The following B4GALNT2 variants were observed in gnomAD, a reference collection of about 807,000 sequenced individuals.
B4GALNT2 encodes beta-1,4-N-acetyl-galactosaminyltransferase 2 (SID blood group), also known as N-acetylneuraminylgalactosylglucosyl-glucoside beta-1,4-N- acetylgalactosaminyltransferase 2.
Under a neutral mutation model 51.1 loss-of-function variants are expected in B4GALNT2, and 42 were observed. That is an observed-to-expected ratio of 0.82 (90% CI 0.64 to 1.06). The LOEUF (loss-of-function observed/expected upper bound fraction) is 1.06, where lower values mean the gene tolerates loss of function less well. Among genes scored for constraint, B4GALNT2 ranks in the 50% least tolerant of loss-of-function variants. The pLI, the probability that B4GALNT2 is intolerant of heterozygous loss-of-function variation, is 0.00. For synonymous variants in B4GALNT2, 253 were observed against 251.7 expected, an observed-to-expected ratio of 1.01 and a Z score of -0.05; for missense variants, 602 against 633.6, an observed-to-expected ratio of 0.95 and a Z score of 0.54.
chr17:49,133,114 G>A, intron 1 of B4GALNT2: 1 of 1,525,394 alleles, frequency 6.6e-7, no homozygotes, highest in South Asian at 1.3e-5. Flanking sequence ...CCCGAGTGTG[G>A]GAATCGGCTC....
upstream of B4GALNT2, among the ~76,000 whole-genome samples, chr17:49,128,159 TAGAA>T (rs1415137697): frequency 5.3e-5 from 8 of 152,162 alleles, no homozygotes; most frequent in Non-Finnish European, 1.0e-4. Flanking sequence ...GGGATTTTCA[TAGAA>T]AGATCCTAGG....
chr17:49,160,990 T>G (rs2042858884), intron 7 of B4GALNT2, among the ~76,000 whole-genome samples: 1 of 152,094 alleles, frequency 6.6e-6, no homozygotes, highest in Non-Finnish European at 1.5e-5. Flanking sequence ...AGACATCTTG[T>G]CTGGCCGGGC....
rs568264141 is a variant in B4GALNT2, at chr17:49,152,611, G to A, written c.354-189G>A. Among the ~76,000 whole-genome samples, 16 of 152,374 alleles carry A rather than the reference G, an allele frequency of 1.1e-4. No individual in the cohort carries two copies. The South Asian group carries it at 1.9e-3, about 18-fold the overall frequency. On this transcript the variant is annotated intron_variant, in intron 3 of 10. Transcript: ENST00000393354. ...GAATCGCTTGAGCCCGGGAGGCGGAGCTTGCAGTGAGCCGAGATCGCACTA... is the reference window on the plus strand; with the variant it reads ...GAATCGCTTGAGCCCGGGAGGCGGAACTTGCAGTGAGCCGAGATCGCACTA...
Position 49,160,560 on chromosome 17 carries a change from C to G in B4GALNT2, c.685C>G (p.Leu229Val), listed in dbSNP as rs1411545813. The G allele has an allele frequency of 6.2e-7, 1 of 1,613,654 alleles. No individual in the cohort carries two copies. Among genetic ancestry groups the G allele is most frequent in the East Asian group, 2.2e-5 (1 of 44,896 alleles). The change falls in exon 7 of 11, where the codon CTG becomes GTG. Residue 229 changes from leucine to valine, a missense_variant. Coordinates refer to ENST00000393354, the MANE Select transcript of B4GALNT2 (RefSeq NM_001159387.2). ...TATCTTATTTCTCCCTCCAGTGAGT[C>G]TGGAGTCCAGGTCCTCAGTGGCCAA... ...YQHQKVDIVS[L>V]ESRSSVAKFP...
chr17:49,132,945 T>C (rs2042553112), intron 1 of B4GALNT2, 139 bp downstream of exon 1: 1 of 1,392,772 alleles, frequency 7.2e-7, no homozygotes, highest in Admixed American at 3.9e-5. Context: ...GGTTGGAGTC[T>C]TAAGTCCAAC....
At chr17:49,143,717 G>T (rs1342466726) in intron 3 of B4GALNT2, among the ~76,000 whole-genome samples, 1 of 152,216 alleles carries the variant, frequency 6.6e-6, no homozygotes, top group Non-Finnish European at 1.5e-5. Context: ...GATTCTGGAG[G>T]CTGAGAAGTC....
the B4GALNT2 span, among the ~76,000 whole-genome samples, chr17:49,124,086 T>G: frequency 2.0e-5 from 3 of 152,234 alleles, no homozygotes; most frequent in Non-Finnish European, 4.4e-5. Context: ...TATACTAAAT[T>G]GTTAAAAGCT....
At chr17:49,139,666 G>A (rs1196280712) in intron 1 of B4GALNT2, among the ~76,000 whole-genome samples, 1 of 152,132 alleles carries the variant, frequency 6.6e-6, no homozygotes, top group Non-Finnish European at 1.5e-5. Context: ...ATAGGCACAT[G>A]CCACGGTGCT....
intron 3 of B4GALNT2, among the ~76,000 whole-genome samples, chr17:49,142,780 T>G (rs79893555): frequency 0.022 from 3,393 of 152,266 alleles, 128 homozygotes; most frequent in African/African-American, 0.078. Context: ...ACATCCTCCA[T>G]GCACCCAGGC....
rs543514011 is a variant in B4GALNT2, at chr17:49,146,648, C to G, written c.353+4476C>G. On this transcript the variant is annotated intron_variant, in intron 3 of 10. Transcript: ENST00000393354. The stretch of plus-strand genomic sequence containing the variant: ...TTCTTAATTTCCATTGCTGACTACT[C>G]CATAGGGATCCTCAAATTCTAGCTA... 8.8e-4 allele frequency among the ~76,000 whole-genome samples: 134 copies of G among 152,280 alleles called. 1 individual carries two copies. The highest frequency in any genetic ancestry group is 3.1e-3 in the African/African-American group (128 of 41,540).
chr17:49,162,548 T>C (rs900929314), intron 7 of B4GALNT2, among the ~76,000 whole-genome samples: 5 of 152,104 alleles, frequency 3.3e-5, no homozygotes, highest in African/African-American at 1.2e-4. Context: ...TTCTAGAAAT[T>C]ATCCTACAGA....
upstream of B4GALNT2, among the ~76,000 whole-genome samples, chr17:49,131,618 C>A (rs2042540058): frequency 6.6e-6 from 1 of 152,036 alleles, no homozygotes; most frequent in South Asian, 2.1e-4. Flanking sequence ...TTCTCGTGTT[C>A]TCGTGCCTTA....
At chr17:49,124,994 C>A in the B4GALNT2 span, among the ~76,000 whole-genome samples, 1 of 152,160 alleles carries the variant, frequency 6.6e-6, no homozygotes, top group African/African-American at 2.4e-5. Flanking sequence ...AAAAACAATT[C>A]TTTAACCTTT....
intron 6 of B4GALNT2, 85 bp from the exon 7 acceptor site, chr17:49,160,470 G>A (rs1598212990): frequency 5.5e-6 from 7 of 1,265,330 alleles, no homozygotes; most frequent in African/African-American, 1.5e-5. Context: ...ACCTGTACTC[G>A]CCTGTCATGG....
rs143591824 is a variant in B4GALNT2 at position 49,141,317 on chromosome 17, G to A, written c.85G>A (p.Gly29Arg). 3.1e-6 allele frequency: 5 copies of A among 1,613,802 alleles called. No individual in the cohort carries two copies. Among genetic ancestry groups the A allele is most frequent in the East Asian group, 2.2e-5 (1 of 44,890 alleles). ...LVLGIVGFMF[G>R]SMFLQAVFSS... ...ACTTGGCATTGTTGGATTTATGTTC[G>A]GAAGCATGTTCCTTCAAGCAGTGTT... is the stretch of plus-strand genomic sequence containing the variant. The change falls in exon 2 of 11, where the codon GGA becomes AGA. Residue 29 changes from glycine (G) to arginine (R), a missense_variant. By Grantham distance (125) the Gly-to-Arg change is moderately radical. Transcript: ENST00000393354.
At chr17:49,130,289 T>A (rs934140492), upstream of B4GALNT2, among the ~76,000 whole-genome samples, 1 of 152,222 alleles carries the variant, frequency 6.6e-6, no homozygotes. Context: ...AAAGAGCCAC[T>A]TTATTTCGAA....
chr17:49,148,687 G>A (rs1264723544), intron 3 of B4GALNT2: 2 of 558,208 alleles, frequency 3.6e-6, no homozygotes, highest in Non-Finnish European at 6.5e-6. Flanking sequence ...TGAAGGTCGG[G>A]CACCTTCTTG....
At chr17:49,161,057 C>T (rs1427169315) in intron 7 of B4GALNT2, among the ~76,000 whole-genome samples, 3 of 152,014 alleles carry the variant, frequency 2.0e-5, no homozygotes, top group African/African-American at 7.2e-5. Flanking sequence ...GGCAGATCAC[C>T]TGAGGTCAGG....
intron 3 of B4GALNT2, 127 bp downstream of exon 3, chr17:49,142,299 A>C: frequency 8.4e-7 from 1 of 1,184,608 alleles, no homozygotes. Flanking sequence ...CCCTGGGAGG[A>C]ACTATTAGGA....
Sources: allele counts gnomAD v4.1 joint callset (sites outside exome capture counted in the v4.1 genomes callset), GRCh38; gene constraint gnomAD v4.1.1; transcripts MANE v1.5; gene names NCBI Gene and HGNC (gene_info 2026-07-23, HGNC 2026-07-21).